The following NCR3LG1 variants were observed in gnomAD, a reference collection of about 807,000 sequenced individuals.
NCR3LG1 encodes the protein natural killer cell cytotoxicity receptor 3 ligand 1.
In NCR3LG1, 35 loss-of-function variants were observed where a neutral mutation model predicts 34.8. The ratio of observed to expected loss-of-function variants is 1.01; its 90% CI spans 0.77 to 1.33. The LOEUF is 1.33. Ranked by LOEUF, NCR3LG1 falls within the 40% of genes most tolerant of loss-of-function variation. The pLI, the probability that NCR3LG1 is intolerant of heterozygous loss-of-function variation, is 0.00. For missense variants in NCR3LG1, 452 were observed against 423.3 expected, an observed-to-expected ratio of 1.07 and a Z score of -0.60; for synonymous variants, 173 against 163.6, an observed-to-expected ratio of 1.06 and a Z score of -0.44.
At chr11:17,362,757 TTTCTTTCTTTCC>T (rs1379392449) in intron 2 of NCR3LG1, among the ~76,000 whole-genome samples, 24 of 113,176 alleles carry the variant, frequency 2.1e-4, no homozygotes, top group African/African-American at 7.4e-4. Context: ...TCTTTCTTTC[TTTCTTTCTTTCC>T]TTCCTTCCTT....
intron 2 of NCR3LG1, among the ~76,000 whole-genome samples, chr11:17,361,943 G>A (rs1189654288): frequency 6.6e-6 from 1 of 152,136 alleles, no homozygotes; most frequent in Non-Finnish European, 1.5e-5. Flanking sequence ...ACTGTACCAG[G>A]CCTCATATTT....
intron 2 of NCR3LG1, among the ~76,000 whole-genome samples, chr11:17,360,513 T>C (rs571762636): frequency 6.6e-6 from 1 of 152,338 alleles, no homozygotes; most frequent in South Asian, 2.1e-4. Flanking sequence ...AGAAGGTTTA[T>C]AGTTTTACCA....
At chr11:17,380,633 A>T (rs1274477333), downstream of NCR3LG1, 1 of 152,014 alleles carries the variant, frequency 6.6e-6, no homozygotes. Flanking sequence ...CTACAGGCGC[A>T]TGTCACCATG....
chr11:17,368,853 T>C lies in NCR3LG1; in HGVS notation c.761-14T>C. ...AGTAGGTTTCCTGCTAATGTTTTCC[T>C]TCTCTCTCTGCAGAAACTGAGAAGA... On this transcript the variant is annotated splice_polypyrimidine_tract_variant and intron_variant, in intron 3 of 4. Transcript: ENST00000338965. The C allele has an allele frequency of 2.7e-6, 4 of 1,505,614 alleles. No homozygotes were observed. The highest frequency in any genetic ancestry group is 3.6e-6 in the Non-Finnish European group (4 of 1,119,354). The allele number at this position is 1,505,614 out of a possible 1,614,324, so 93.3% of individuals were successfully genotyped here.
chr11:17,371,475 C>T (rs139285613), intron 4 of NCR3LG1, among the ~76,000 whole-genome samples: 1 of 152,292 alleles, frequency 6.6e-6, no homozygotes, highest in Non-Finnish European at 1.5e-5. Context: ...ATTTTAGCCT[C>T]AGTGTTATCC....
At chr11:17,359,486 G>A (rs1168921227) in intron 2 of NCR3LG1, among the ~76,000 whole-genome samples, 5 of 148,598 alleles carry the variant, frequency 3.4e-5, no homozygotes, top group African/African-American at 1.2e-4. Flanking sequence ...AGAGTACAGT[G>A]CTTTTTGGCA....
chr11:17,379,563 C>T (rs1323948542), downstream of NCR3LG1, among the ~76,000 whole-genome samples: 1 of 152,084 alleles, frequency 6.6e-6, no homozygotes, highest in African/African-American at 2.4e-5. Context: ...GGGAGAAGAA[C>T]AGGTCGAGAC....
At chr11:17,367,399 C>T (rs1008509132) in intron 3 of NCR3LG1, 52 bp downstream of exon 3, 4 of 1,368,080 alleles carry the variant, frequency 2.9e-6, no homozygotes, top group Non-Finnish European at 3.9e-6. Flanking sequence ...GGGACTATAA[C>T]ATAAGACTTA....
downstream of NCR3LG1, chr11:17,381,124 C>T (rs1190026451): frequency 6.6e-6 from 1 of 152,186 alleles, no homozygotes; most frequent in African/African-American, 2.4e-5. Context: ...CTGAGGCCTT[C>T]CCCCCTACAG....
At chr11:17,359,248 C>T (rs983300687) in intron 2 of NCR3LG1, among the ~76,000 whole-genome samples, 5 of 152,172 alleles carry the variant, frequency 3.3e-5, no homozygotes, top group Non-Finnish European at 7.3e-5. Flanking sequence ...TGCATATACA[C>T]ATATCTACAA....
intron 2 of NCR3LG1, among the ~76,000 whole-genome samples, chr11:17,358,819 CTTTAT>C (rs967408055): frequency 6.6e-6 from 1 of 152,174 alleles, no homozygotes; most frequent in African/African-American, 2.4e-5. Context: ...TGCAATACTA[CTTTAT>C]TTTTTCTCAA....
chr11:17,365,050 A>G (rs1301557459), intron 2 of NCR3LG1, among the ~76,000 whole-genome samples: 1 of 152,202 alleles, frequency 6.6e-6, no homozygotes, highest in African/African-American at 2.4e-5. Flanking sequence ...AATTCCCTAT[A>G]TGATAATTCT....
chr11:17,352,561 G>A (rs1953150138), intron 1 of NCR3LG1, among the ~76,000 whole-genome samples: 1 of 152,192 alleles, frequency 6.6e-6, no homozygotes, highest in South Asian at 2.1e-4. Context: ...GCCCTGTGCA[G>A]GGTCGACACC....
chr11:17,372,585 G>A lies in NCR3LG1; in HGVS notation c.*73G>A. On this transcript the variant is annotated 3_prime_UTR_variant, in exon 5 of 5. Transcript: ENST00000338965. ...ACAGGACCTTGGGCAAATAAGAGGG[G>A]ACCTGGGCAAGTTCTCTGATGACCT... is the stretch of plus-strand genomic sequence containing the variant. The A allele has an allele frequency of 1.6e-6, 1 of 613,916 alleles. No individual in the cohort carries two copies. The highest frequency in any genetic ancestry group is 2.9e-6 in the Non-Finnish European group (1 of 344,702). 38.0% of individuals were successfully genotyped at this position (613,916 alleles called of 1,614,324 possible).
At chr11:17,371,451 C>A (rs1003968667) in intron 4 of NCR3LG1, among the ~76,000 whole-genome samples, 3 of 152,154 alleles carry the variant, frequency 2.0e-5, no homozygotes, top group Admixed American at 2.0e-4. Context: ...GAAGAAGCTA[C>A]CCTGGGAAGA....
At chr11:17,368,812 T>G in intron 3 of NCR3LG1, 55 bp from the exon 4 acceptor site, 2 of 1,217,138 alleles carry the variant, frequency 1.6e-6, no homozygotes, top group Non-Finnish European at 2.3e-6. Context: ...GTTGTGTGGT[T>G]TCTCTGGCCC....
rs188778246 is a variant in NCR3LG1, at chr11:17,372,221, G to A, written c.1074G>A (p.Glu358=). The change falls in exon 5 of 5, where the codon GAG becomes GAA. Residue 358 remains glutamate (E), a synonymous_variant. Transcript: ENST00000338965. ...IQQLDVFCRQ[E]GKWSEVPYVQ... is the part of the protein sequence containing the mutation. ...AACTAGATGTTTTCTGCAGACAGGAGGGCAAATGGTCCGAGGTTCCTTATG... is the reference window on the plus strand; with the variant it reads ...AACTAGATGTTTTCTGCAGACAGGAAGGCAAATGGTCCGAGGTTCCTTATG... 1 of 703,074 alleles carries A rather than the reference G, an allele frequency of 1.4e-6. No individual in the cohort carries two copies. Among genetic ancestry groups the A allele is most frequent in the East Asian group, 2.7e-5 (1 of 37,286 alleles). 43.6% of individuals were successfully genotyped at this position (703,074 alleles called of 1,614,324 possible).
chr11:17,366,543 C>G (rs1953345972), intron 2 of NCR3LG1, among the ~76,000 whole-genome samples: 1 of 152,186 alleles, frequency 6.6e-6, no homozygotes, highest in Admixed American at 6.5e-5. Context: ...GCAGTCTCTA[C>G]CACAACAGTG....
In NCR3LG1 at chr11:17,372,755, T is replaced by C; in HGVS notation, c.*243T>C. ...GAAAAATTCAGAGATGAACAACATG[T>C]CTTCTATAGCCACTCAATAAGGAAA... On this transcript the variant is annotated 3_prime_UTR_variant, in exon 5 of 5. Transcript: ENST00000338965. 2.2e-6 allele frequency: 1 copy of C among 464,212 alleles called. No homozygotes were observed. The highest frequency in any genetic ancestry group is 3.8e-6 in the Non-Finnish European group (1 of 262,980). The allele number at this position is 464,212 out of a possible 1,614,324, so 28.8% of individuals were successfully genotyped here. A position where few individuals can be genotyped will look rare whatever the true frequency, so the allele number is the denominator to read the frequency against.
Sources: gnomAD v4.1 joint callset for allele counts (sites outside exome capture counted in the v4.1 genomes callset) on GRCh38, gnomAD v4.1.1 for gene constraint, MANE v1.5 for transcripts, NCBI Gene and HGNC (gene_info 2026-07-23, HGNC 2026-07-21) for gene names.